The following HPS5 variants were observed in gnomAD, a reference collection of about 807,000 sequenced individuals.
HPS5 encodes the protein BLOC-2 complex member HPS5.
In HPS5, 83 loss-of-function variants were observed where a neutral mutation model predicts 128.0. The observed-to-expected ratio is 0.65, with a 90% CI of 0.54 to 0.78. The LOEUF is 0.78. Ranked by LOEUF, HPS5 falls within the 30% of genes least tolerant of loss-of-function variation. The pLI, the probability that HPS5 is intolerant of heterozygous loss-of-function variation, is 0.00. For synonymous variants in HPS5, 475 were observed against 470.2 expected, an observed-to-expected ratio of 1.01 and a Z score of -0.13; for missense variants, 1,281 against 1,326.2, an observed-to-expected ratio of 0.97 and a Z score of 0.53.
rs756656537 is a variant in HPS5, at chr11:18,298,925, T to C, written c.1031A>G (p.His344Arg). Residue 344 changes from histidine to arginine, a missense_variant, in exon 10 of 23, where the codon CAC (histidine) becomes CGC (arginine). Coordinates refer to ENST00000349215, the MANE Select transcript of HPS5 (RefSeq NM_181507.2). Reference sequence around the variant, plus strand: ...GAGATGTGAGACTTTCCCATTTAGGTGCAAACAGAACAATTCATTCCTACA... The same window carrying C: ...GAGATGTGAGACTTTCCCATTTAGGCGCAAACAGAACAATTCATTCCTACA... The part of the protein sequence containing the change: ...AVCRNELFCL[H>R]LNGKVSHLSL... 8.7e-6 allele frequency: 14 copies of C among 1,614,200 alleles called. No homozygotes were observed. In the South Asian group the frequency reaches 1.5e-4, roughly 18 times the overall value.
At chr11:18,295,247 T>C in intron 13 of HPS5, 78 bp from the exon 14 acceptor site, 1 of 1,458,638 alleles carries the variant, frequency 6.9e-7, no homozygotes, top group East Asian at 2.4e-5. Context: ...TCTTCAGTTT[T>C]CTCCCTAATA....
At chr11:18,318,874 A>T (rs1451737935) in intron 1 of HPS5, among the ~76,000 whole-genome samples, 4 of 152,216 alleles carry the variant, frequency 2.6e-5, no homozygotes, top group African/African-American at 4.8e-5. Flanking sequence ...CCTACGTGCC[A>T]GACATTATTC....
At chr11:18,311,807 A>G in intron 3 of HPS5, 107 bp downstream of exon 3, 2 of 921,562 alleles carry the variant, frequency 2.2e-6, no homozygotes, top group Middle Eastern at 2.1e-4. Flanking sequence ...CACCGCACCA[A>G]GCCAAGTTCT....
In HPS5 at chr11:18,306,303, T is replaced by C. The variant is rs1862362547; in HGVS notation, c.656A>G (p.Tyr219Cys). 6.2e-7 allele frequency: 1 copy of C among 1,614,044 alleles called. No individual in the cohort carries two copies. Among genetic ancestry groups the C allele is most frequent in the Admixed American group, 1.7e-5 (1 of 59,998 alleles). The change falls in exon 7 of 23, where the codon TAT becomes TGT. Residue 219 changes from tyrosine to cysteine, a missense_variant. Transcript: ENST00000349215. ...KIGNKERDGE[Y>C]GACFFPGRCS... ...TCTTCCAGGAAAGAAACAAGCTCCA[T>C]ATTCTCCATCTCTTTCCTTGTTTCC...
rs1030748469 is a variant in HPS5, at chr11:18,279,173, C to T, written c.*709G>A. The T allele has an allele frequency of 1.3e-5, 2 of 152,218 alleles. No homozygotes were observed. Among genetic ancestry groups the T allele is most frequent in the Non-Finnish European group, 2.9e-5 (2 of 68,062 alleles). 9.4% of individuals were successfully genotyped at this position (152,218 alleles called of 1,614,324 possible). On this transcript the variant is annotated 3_prime_UTR_variant, in exon 23 of 23. Coordinates refer to ENST00000349215, the MANE Select transcript of HPS5 (RefSeq NM_181507.2). The stretch of plus-strand genomic sequence containing the variant: ...ACACATCTCATTGCGGCCTGGACCT[C>T]CTGGCCTCAGGTACTATGCCTAGCT...
chr11:18,280,590 T>C, intron 22 of HPS5: 3 of 700,818 alleles, frequency 4.3e-6, no homozygotes, highest in Non-Finnish European at 7.8e-6. Context: ...TGTATACTCA[T>C]ATTCATAGCA....
chr11:18,300,262 A>G (rs1202878167), intron 9 of HPS5, among the ~76,000 whole-genome samples: 1 of 152,216 alleles, frequency 6.6e-6, no homozygotes. Context: ...ATAAATATGT[A>G]CAATTATTAT....
intron 14 of HPS5, among the ~76,000 whole-genome samples, chr11:18,294,149 C>T (rs1478167037): frequency 6.6e-6 from 1 of 152,190 alleles, no homozygotes; most frequent in Non-Finnish European, 1.5e-5. Context: ...TCTGCTACAA[C>T]TCTACTACAC....
At position 18,291,588 on chromosome 11, in the gene HPS5, A is replaced by C. The variant is rs1418107072; in HGVS notation, c.2294T>G (p.Leu765Trp). 6.2e-7 allele frequency: 1 copy of C among 1,613,588 alleles called. No homozygotes were observed. Among genetic ancestry groups the C allele is most frequent in the Middle Eastern group, 1.7e-4 (1 of 6,056 alleles). Residue 765 changes from leucine (L) to tryptophan (W), a missense_variant, in exon 16 of 23, where the codon TTG becomes TGG. Physicochemically the swap from Leu to Trp is moderately conservative, Grantham distance 61. Transcript: ENST00000349215. ...CAGAATTTCAGGAGAGTACTGTTGCAAAGTGTGGTCCACATGTCCACTGGT... is the reference window on the plus strand; with the variant it reads ...CAGAATTTCAGGAGAGTACTGTTGCCAAGTGTGGTCCACATGTCCACTGGT... ...KSTSGHVDHTLQQYSPEILAC... is the reference protein window; with the variant it reads ...KSTSGHVDHTWQQYSPEILAC...
chr11:18,320,038 T>C (rs1273609901), intron 1 of HPS5, among the ~76,000 whole-genome samples: 3 of 151,944 alleles, frequency 2.0e-5, no homozygotes, highest in Non-Finnish European at 2.9e-5. Context: ...AAAAAGAGAA[T>C]GTCCTGGAAG....
rs778919142 is a variant in HPS5, at chr11:18,304,216, C to CT, written c.896+1205dup. 2.6e-3 allele frequency among the ~76,000 whole-genome samples: 352 copies of CT among 135,482 alleles called. 1 individual carries two copies. Among genetic ancestry groups the CT allele is most frequent in the Middle Eastern group, 0.019 (5 of 266 alleles). 88.9% of individuals were successfully genotyped at this position (135,482 alleles called of 152,430 possible). ...AAAGTGTTATAATGTCTATAATTCA[C>CT]TTTTTTTTTTTTTTTTTTGAGACAG... On this transcript the variant is annotated intron_variant, in intron 8 of 22. Coordinates refer to ENST00000349215, the MANE Select transcript of HPS5 (RefSeq NM_181507.2).
chr11:18,301,924 A>G (rs556571462), intron 8 of HPS5, among the ~76,000 whole-genome samples: 78 of 152,158 alleles, frequency 5.1e-4, no homozygotes, highest in Non-Finnish European at 8.4e-4. Flanking sequence ...TTTTTCCTAT[A>G]TAACACAGAA....
At chr11:18,313,098 T>A (rs1411440448) in intron 2 of HPS5, among the ~76,000 whole-genome samples, 1 of 152,246 alleles carries the variant, frequency 6.6e-6, no homozygotes, top group Non-Finnish European at 1.5e-5. Context: ...ATTACTTTGG[T>A]ACTGGTTATG....
In HPS5 at chr11:18,291,912, G is replaced by C; in HGVS notation, c.1970C>G (p.Ser657Ter). 1 of 1,609,180 alleles carries C rather than the reference G, an allele frequency of 6.2e-7. No individual in the cohort carries two copies. Among genetic ancestry groups the C allele is most frequent in the Non-Finnish European group, 8.5e-7 (1 of 1,178,236 alleles). ...LEKTFAMKDF[S>*]GVSDTDNSSM... is the part of the protein sequence containing the mutation. ...TGAGTTGTCAGTATCTGAAACACCT[G>C]AAAAGTCCTTCATGGCAAATGTTTT... The change falls in exon 16 of 23, where the codon TCA becomes TGA. Residue 657 changes from serine to a stop codon, truncating the protein, a stop_gained. Transcript: ENST00000349215. LOFTEE classifies it high-confidence loss of function.
chr11:18,318,869 G>A (rs542961969), intron 1 of HPS5, among the ~76,000 whole-genome samples: 17 of 152,060 alleles, frequency 1.1e-4, no homozygotes, highest in Non-Finnish European at 1.8e-4. Flanking sequence ...ACCCACCTAC[G>A]TGCCAGACAT....
chr11:18,317,878 T>C lies in HPS5; in HGVS notation c.-20A>G. 1 of 1,609,454 alleles carries C rather than the reference T, an allele frequency of 6.2e-7. No homozygotes were observed. Reference sequence around the variant, plus strand: ...AGCCATTTAGCCAGAAAGCTGAAACTTGTTGAATGATAGATACAGTATTCC... The same window carrying C: ...AGCCATTTAGCCAGAAAGCTGAAACCTGTTGAATGATAGATACAGTATTCC... On this transcript the variant is annotated 5_prime_UTR_variant, in exon 2 of 23. Coordinates refer to ENST00000349215, the MANE Select transcript of HPS5 (RefSeq NM_181507.2).
chr11:18,285,781 G>A (rs1381714704), intron 19 of HPS5, among the ~76,000 whole-genome samples: 1 of 152,146 alleles, frequency 6.6e-6, no homozygotes, highest in Non-Finnish European at 1.5e-5. Context: ...GCATTTGGGG[G>A]TCTTTTAAGA....
intron 3 of HPS5, 44 bp from the exon 4 acceptor site, chr11:18,311,495 C>CATTATTATT (rs59102347): frequency 3.1e-6 from 2 of 644,958 alleles, no homozygotes; most frequent in Non-Finnish European, 4.8e-6. Flanking sequence ...TCAAGTTTTA[C>CATTATTATT]ATTATTATTA....
chr11:18,294,916 A>G, intron 14 of HPS5, 104 bp downstream of exon 14: 1 of 1,198,796 alleles, frequency 8.3e-7, no homozygotes, highest in Non-Finnish European at 1.2e-6. Flanking sequence ...CCTGGAACAC[A>G]TGAGGCCCAC....
Sources: gnomAD v4.1 joint callset for allele counts (sites outside exome capture counted in the v4.1 genomes callset) on GRCh38, gnomAD v4.1.1 for gene constraint, MANE v1.5 for transcripts, NCBI Gene and HGNC (gene_info 2026-07-23, HGNC 2026-07-21) for gene names.